Variants in GABRR3 observed in about 807,000 individuals in gnomAD.
The protein encoded by GABRR3 is gamma-aminobutyric acid receptor subunit rho-3.
A neutral mutation model predicts 43.2 loss-of-function variants in GABRR3; 29 were observed. That is an observed-to-expected ratio of 0.67 (90% CI 0.50 to 0.92). The LOEUF is 0.92. GABRR3 is among the 40% of genes least tolerant of loss of function. GABRR3 has a pLI of 0.00. For missense variants in GABRR3, 576 were observed against 572.3 expected, an observed-to-expected ratio of 1.01 and a Z score of -0.07; for synonymous variants, 206 against 195.9, an observed-to-expected ratio of 1.05 and a Z score of -0.43.
At chr3:97,997,764 G>C (rs1436680159) in intron 8 of GABRR3, 2 of 152,124 alleles carry the variant, frequency 1.3e-5, no homozygotes, top group Non-Finnish European at 2.9e-5. Flanking sequence ...AACCATGATG[G>C]TCACCACCAC....
chr3:98,029,227 G>GTCT (rs1235942225), intron 2 of GABRR3, among the ~76,000 whole-genome samples: 1 of 152,140 alleles, frequency 6.6e-6, no homozygotes, highest in Non-Finnish European at 1.5e-5. Flanking sequence ...AACAGTAGGC[G>GTCT]TGAGTCTTGG....
At chr3:98,011,115 A>C (rs1706785101) in intron 5 of GABRR3, among the ~76,000 whole-genome samples, 1 of 151,470 alleles carries the variant, frequency 6.6e-6, no homozygotes, top group Non-Finnish European at 1.5e-5. Context: ...CAACCCCCCC[A>C]AAAAACCCAT....
intron 3 of GABRR3, among the ~76,000 whole-genome samples, chr3:98,020,152 A>G (rs899906864): frequency 6.6e-6 from 1 of 152,178 alleles, no homozygotes; most frequent in African/African-American, 2.4e-5. Context: ...TCCCAAATGA[A>G]GTTCTAGCAT....
At chr3:98,030,360 A>G (rs73851436) in intron 2 of GABRR3, among the ~76,000 whole-genome samples, 1,865 of 152,284 alleles carry the variant, frequency 0.012, 31 homozygotes, top group African/African-American at 0.043. Context: ...AACAAAGGAG[A>G]TAATTCTTGT....
Position 98,032,259 on chromosome 3 carries a change from A to C in GABRR3, c.125+2604T>G, listed in dbSNP as rs571631743. On this transcript the variant is annotated intron_variant, in intron 2 of 9. Transcript: ENST00000621172. ...ATTTGCTACCTTTATTTTAGAAAGT[A>C]TTTAATTTAATTGCAGGCTTATATA... Among the ~76,000 whole-genome samples the C allele has an allele frequency of 3.9e-5, 6 of 152,326 alleles. No individual in the cohort carries two copies. In the South Asian group the frequency reaches 1.0e-3, roughly 26 times the overall value.
intron 7 of GABRR3, among the ~76,000 whole-genome samples, chr3:98,005,431 T>A (rs1170652612): frequency 6.6e-6 from 1 of 152,188 alleles, no homozygotes; most frequent in Non-Finnish European, 1.5e-5. Context: ...AATTCTAATT[T>A]TTTTTCATTT....
chr3:98,017,637 T>G lies in GABRR3; in HGVS notation c.306+18A>C. 1 of 1,587,982 alleles carries G rather than the reference T, an allele frequency of 6.3e-7. No homozygotes were observed. Among genetic ancestry groups the G allele is most frequent in the Non-Finnish European group, 8.6e-7 (1 of 1,160,838 alleles). ...CTGTCTTTTCAGAAAAAGAGCAATA[T>G]CCCATGAAGAAACTTACCATGTTAG... On this transcript the variant is annotated intron_variant, in intron 4 of 9. Transcript: ENST00000621172.
intron 3 of GABRR3, 128 bp from the exon 4 acceptor site, chr3:98,017,850 T>TTTCTCCA: frequency 1.6e-6 from 1 of 614,620 alleles, no homozygotes; most frequent in East Asian, 2.9e-5. Context: ...AAACAACAAA[T>TTTCTCCA]TTCTCCATTA....
chr3:97,990,784 G>T (rs901099691), intron 9 of GABRR3, among the ~76,000 whole-genome samples: 2 of 152,146 alleles, frequency 1.3e-5, no homozygotes, highest in Non-Finnish European at 2.9e-5. Context: ...CAGGGCCTGG[G>T]GGGAGGGGAA....
chr3:97,987,105 TG>T, intron 9 of GABRR3, 123 bp from the exon 10 acceptor site: 2 of 679,828 alleles, frequency 2.9e-6, no homozygotes, highest in Non-Finnish European at 4.8e-6. Context: ...CAATTGGATT[TG>T]TTTTTCAACT....
intron 9 of GABRR3, among the ~76,000 whole-genome samples, chr3:97,992,022 T>A (rs1056704391): frequency 6.6e-6 from 1 of 152,180 alleles, no homozygotes; most frequent in Non-Finnish European, 1.5e-5. Flanking sequence ...CTCTTATCAG[T>A]TAAGTTTCTG....
chr3:98,008,747 C>T (rs559018834), intron 6 of GABRR3, among the ~76,000 whole-genome samples: 2 of 148,364 alleles, frequency 1.3e-5, no homozygotes, highest in African/African-American at 5.0e-5. Context: ...TTCCCCTGAA[C>T]CTTCTCCTTT....
intron 8 of GABRR3, among the ~76,000 whole-genome samples, chr3:97,995,318 T>C (rs1706522330): frequency 6.6e-6 from 1 of 152,148 alleles, no homozygotes. Flanking sequence ...TTTTAAGATA[T>C]AAAACATAGA....
chr3:98,023,349 G>A (rs554161778), intron 3 of GABRR3, among the ~76,000 whole-genome samples: 1 of 152,018 alleles, frequency 6.6e-6, no homozygotes, highest in Non-Finnish European at 1.5e-5. Flanking sequence ...TTTTGAATTC[G>A]TGTTGAAAAG....
chr3:98,014,669 G>A (rs1186627979), intron 4 of GABRR3, among the ~76,000 whole-genome samples: 1 of 152,150 alleles, frequency 6.6e-6, no homozygotes, highest in African/African-American at 2.4e-5. Context: ...ACTGAAACAA[G>A]GTGTAATGGG....
chr3:98,002,581 CT>C (rs566580025), intron 7 of GABRR3, among the ~76,000 whole-genome samples: 23 of 151,958 alleles, frequency 1.5e-4, no homozygotes, highest in Admixed American at 7.9e-4. Flanking sequence ...CCTTGTTTTT[CT>C]TTTTTTTCTC....
chr3:98,026,125 C>T (rs1315819344), intron 2 of GABRR3, among the ~76,000 whole-genome samples: 5 of 152,000 alleles, frequency 3.3e-5, no homozygotes, highest in Non-Finnish European at 5.9e-5. Context: ...AATCTCTGCA[C>T]GAAGACAGCG....
At chr3:98,001,803 C>T in intron 7 of GABRR3, 36 bp from the exon 8 acceptor site, 1 of 1,611,060 alleles carries the variant, frequency 6.2e-7, no homozygotes, top group South Asian at 1.1e-5. Context: ...TTAGAGCAAG[C>T]TTCCCCTTAG....
chr3:98,011,160 A>T (rs1257249157), intron 5 of GABRR3, among the ~76,000 whole-genome samples: 1 of 152,174 alleles, frequency 6.6e-6, no homozygotes, highest in Non-Finnish European at 1.5e-5. Flanking sequence ...GCATTTTAAG[A>T]ACATTGACAG....
Sources: gnomAD v4.1 joint callset for allele counts (sites outside exome capture counted in the v4.1 genomes callset) on GRCh38, gnomAD v4.1.1 for gene constraint, MANE v1.5 for transcripts, NCBI Gene and HGNC (gene_info 2026-07-23, HGNC 2026-07-21) for gene names.